Variants in FBXO43 observed in about 807,000 individuals in gnomAD.
FBXO43 encodes the protein F-box protein 43.
FBXO43 carries 22 observed loss-of-function variants against 56.7 expected under a neutral mutation model. The ratio of observed to expected loss-of-function variants is 0.39; its 90% CI spans 0.28 to 0.55. The LOEUF is 0.55. FBXO43 is among the 20% of genes least tolerant of loss of function. The pLI is 0.66. For synonymous variants in FBXO43, 306 were observed against 294.5 expected (o/e 1.04, Z -0.40); for missense variants, 733 against 814.9 (o/e 0.90, Z 1.22).
intron 3 of FBXO43, among the ~76,000 whole-genome samples, chr8:100,134,861 C>T (rs1445364139): frequency 1.3e-5 from 2 of 152,040 alleles, no homozygotes; most frequent in Non-Finnish European, 2.9e-5. Context: ...AGAAAGCAAC[C>T]AGTCTATGTT....
chr8:100,142,143 T>G lies in FBXO43; in HGVS notation c.111A>C (p.Gln37His), dbSNP rs1372809482. Residue 37 changes from glutamine (Q) to histidine (H), a missense_variant, in exon 2 of 5, where the codon CAA becomes CAC. By Grantham distance (24) the Gln-to-His change is conservative. Coordinates refer to ENST00000428847, the MANE Select transcript of FBXO43 (RefSeq NM_001029860.4). ...TDETEILKMS[Q>H]RHSGQAGTEA... The stretch of plus-strand genomic sequence containing the variant: ...CAGTGCCAGCTTGACCTGAGTGCCT[T>G]TGCGACATCTTCAAAATCTCTGTTT... 1.9e-6 allele frequency: 3 copies of G among 1,568,826 alleles called. No individual in the cohort carries two copies. The highest frequency in any genetic ancestry group is 1.4e-5 in the African/African-American group (1 of 72,646).
At chr8:100,140,648 G>A in intron 2 of FBXO43, 35 bp downstream of exon 2, 1 of 1,508,040 alleles carries the variant, frequency 6.6e-7, no homozygotes, top group Non-Finnish European at 8.9e-7. Flanking sequence ...CTTAAAAAAA[G>A]AAGTTTTATT....
chr8:100,133,709 C>A lies in FBXO43; in HGVS notation c.*93G>T. The A allele has an allele frequency of 7.9e-7, 1 of 1,260,900 alleles. No homozygotes were observed. Among genetic ancestry groups the A allele is most frequent in the African/African-American group, 1.5e-5 (1 of 67,074 alleles). The allele number at this position is 1,260,900 out of a possible 1,614,324, so 78.1% of individuals were successfully genotyped here. ...AAATAGGAAATTAATCATCACCTGT[C>A]ATTAATGGGAAGATTTGCATGTATT... On this transcript the variant is annotated 3_prime_UTR_variant, in exon 5 of 5. Transcript: ENST00000428847.
At chr8:100,139,408 C>T (rs1365822476) in intron 2 of FBXO43, among the ~76,000 whole-genome samples, 1 of 152,108 alleles carries the variant, frequency 6.6e-6, no homozygotes. Flanking sequence ...GCCTGAGCAA[C>T]ACAGTGAGAC....
chr8:100,143,754 CTTTTAT>C (rs1814729127), intron 1 of FBXO43, among the ~76,000 whole-genome samples: 1 of 152,020 alleles, frequency 6.6e-6, no homozygotes, highest in Non-Finnish European at 1.5e-5. Flanking sequence ...CGTCACAGCC[CTTTTAT>C]TTTTAATTTT....
At chr8:100,135,544 G>A (rs1197646677) in intron 3 of FBXO43, among the ~76,000 whole-genome samples, 1 of 151,860 alleles carries the variant, frequency 6.6e-6, no homozygotes, top group Non-Finnish European at 1.5e-5. Context: ...TAAGAAAGGG[G>A]GGAAAAGTAC....
In FBXO43 at chr8:100,141,631, G is replaced by A; in HGVS notation, c.623C>T (p.Thr208Ile). The change falls in exon 2 of 5, where the codon ACT becomes ATT. Residue 208 changes from threonine (T) to isoleucine (I), a missense_variant. Physicochemically the swap from Thr to Ile is moderately conservative, Grantham distance 89. Coordinates refer to ENST00000428847, the MANE Select transcript of FBXO43 (RefSeq NM_001029860.4). The part of the protein sequence containing the change: ...SRANNFSPLV[T>I]STLKTEEVTS... The stretch of plus-strand genomic sequence containing the variant: ...CACTTCTTCTGTTTTTAAAGTGCTA[G>A]TAACTAAAGGGCTAAAATTATTTGC... 1.2e-6 allele frequency: 2 copies of A among 1,613,178 alleles called. No homozygotes were observed. Among genetic ancestry groups the A allele is most frequent in the Non-Finnish European group, 1.7e-6 (2 of 1,179,780 alleles).
At chr8:100,137,486 A>G in intron 3 of FBXO43, 79 bp downstream of exon 3, 2 of 968,264 alleles carry the variant, frequency 2.1e-6, no homozygotes, top group East Asian at 5.4e-5. Context: ...TAGCAGGAAA[A>G]CCAAATTAGG....
At chr8:100,143,815 A>C (rs978352918) in intron 1 of FBXO43, among the ~76,000 whole-genome samples, 1 of 152,038 alleles carries the variant, frequency 6.6e-6, no homozygotes, top group African/African-American at 2.4e-5. Flanking sequence ...TTTTTCGCCC[A>C]GGCTGGAGTG....
rs576792765 is a variant in FBXO43, at chr8:100,138,264, A to G, written c.1572-597T>C. ...CAATAACTTTGATAATATTATTATT[A>G]AAAAGTAAGACTTTGACTATTAATC... On this transcript the variant is annotated intron_variant, in intron 2 of 4. Coordinates refer to ENST00000428847, the MANE Select transcript of FBXO43 (RefSeq NM_001029860.4). Among the ~76,000 whole-genome samples the G allele has an allele frequency of 4.6e-5, 7 of 152,362 alleles. No homozygotes were observed. In the South Asian group the frequency reaches 1.4e-3, roughly 32 times the overall value.
intron 1 of FBXO43, 129 bp from the exon 2 acceptor site, chr8:100,142,297 T>A: frequency 1.1e-6 from 1 of 906,612 alleles, no homozygotes; most frequent in Non-Finnish European, 1.5e-6. Context: ...AAAGTTACTT[T>A]AAAAAAACAA....
intron 3 of FBXO43, 152 bp from the exon 4 acceptor site, chr8:100,134,516 A>G: frequency 4.2e-6 from 2 of 477,424 alleles, no homozygotes; most frequent in Non-Finnish European, 3.5e-6. Flanking sequence ...AAAACAAACA[A>G]AACAAAAAAC....
chr8:100,137,049 A>T lies in FBXO43; in HGVS notation c.1674+516T>A, dbSNP rs903680182. On this transcript the variant is annotated intron_variant, in intron 3 of 4. Transcript: ENST00000428847. ...GTAAGCAGCAACAAAGCCCAACAAG[A>T]TGTTCTTTTTTTTTTGTTTTGTTTT... 5 of 98,372 alleles carry T rather than the reference A, an allele frequency of 5.1e-5. No homozygotes were observed. In the Admixed American group the frequency reaches 5.8e-4, roughly 11 times the overall value. The allele number at this position is 98,372 out of a possible 1,614,324, so 6.1% of individuals were successfully genotyped here.
At chr8:100,142,218 A>G in intron 1 of FBXO43, 50 bp from the exon 2 acceptor site, 1 of 1,448,974 alleles carries the variant, frequency 6.9e-7, no homozygotes, top group South Asian at 1.6e-5. Context: ...GTATCCAGGC[A>G]GCTTATACCA....
At chr8:100,135,513 G>A (rs1297472280) in intron 3 of FBXO43, among the ~76,000 whole-genome samples, 1 of 151,956 alleles carries the variant, frequency 6.6e-6, no homozygotes, top group Non-Finnish European at 1.5e-5. Flanking sequence ...TAAAAAGCAA[G>A]TCAAAATAAG....
At chr8:100,148,111 G>A (rs73276992), upstream of FBXO43, among the ~76,000 whole-genome samples, 913 of 152,260 alleles carry the variant, frequency 6.0e-3, 15 homozygotes, top group African/African-American at 0.021. Flanking sequence ...AATGTAAACA[G>A]GGCAGGGAAT....
At chr8:100,142,216 G>T (rs777509968) in intron 1 of FBXO43, 48 bp from the exon 2 acceptor site, 2 of 1,467,754 alleles carry the variant, frequency 1.4e-6, no homozygotes, top group Non-Finnish European at 1.8e-6. Context: ...GAGTATCCAG[G>T]CAGCTTATAC....
chr8:100,134,944 G>A (rs920890730), intron 3 of FBXO43, among the ~76,000 whole-genome samples: 1 of 152,204 alleles, frequency 6.6e-6, no homozygotes, highest in African/African-American at 2.4e-5. Flanking sequence ...TACCTGATTT[G>A]TTTGGACTTA....
chr8:100,135,023 A>T (rs1814427767), intron 3 of FBXO43, among the ~76,000 whole-genome samples: 1 of 152,250 alleles, frequency 6.6e-6, no homozygotes, highest in Non-Finnish European at 1.5e-5. Context: ...AGAAACACTA[A>T]GCAAAAATAA....
Sources: gnomAD v4.1 joint callset for allele counts (sites outside exome capture counted in the v4.1 genomes callset) on GRCh38, gnomAD v4.1.1 for gene constraint, MANE v1.5 for transcripts, NCBI Gene and HGNC (gene_info 2026-07-23, HGNC 2026-07-21) for gene names.